PHF24: variants seen among roughly 807,000 people sequenced by gnomAD.
PHF24 encodes PHD finger protein 24.
PHF24 carries 25 observed loss-of-function variants against 42.6 expected under a neutral mutation model. That is an observed-to-expected ratio of 0.59 (90% confidence interval 0.43 to 0.82). The LOEUF is 0.82. Among genes scored for constraint, PHF24 ranks in the 40% least tolerant of loss-of-function variants. PHF24 has a pLI of 0.00. For missense variants in PHF24, 470 were observed against 538.1 expected, an observed-to-expected ratio of 0.87 and a Z score of 1.25; for synonymous variants, 185 against 204.8, an observed-to-expected ratio of 0.90 and a Z score of 0.83.
At chr9:34,836,507 T>C in the PHF24 span, among the ~76,000 whole-genome samples, 1 of 152,324 alleles carries the variant, frequency 6.6e-6, no homozygotes, top group Non-Finnish European at 1.5e-5. Context: ...ATGTGGTACT[T>C]ATGCATTCTG....
At chr9:34,771,052 G>A in the PHF24 span, among the ~76,000 whole-genome samples, 1 of 152,194 alleles carries the variant, frequency 6.6e-6, no homozygotes, top group East Asian at 1.9e-4. Flanking sequence ...GGCAGAGGTT[G>A]CAGTGAGCCG....
At chr9:34,875,259 C>T in the PHF24 span, among the ~76,000 whole-genome samples, 2 of 152,164 alleles carry the variant, frequency 1.3e-5, no homozygotes, top group African/African-American at 4.8e-5. Context: ...CAGTCAAGGA[C>T]AAAGCTTACC....
chr9:34,729,227 G>A, the PHF24 span: 1 of 1,509,070 alleles, frequency 6.6e-7, no homozygotes, highest in Non-Finnish European at 8.9e-7. Context: ...AGCACGGTAA[G>A]AACTTATAGG....
chr9:34,914,881 G>A, the PHF24 span, among the ~76,000 whole-genome samples: 5 of 151,016 alleles, frequency 3.3e-5, no homozygotes, highest in African/African-American at 7.3e-5. Flanking sequence ...GACTTCCTAA[G>A]TTCAAGGGAT....
chr9:34,731,446 C>T, the PHF24 span, among the ~76,000 whole-genome samples: 7 of 152,268 alleles, frequency 4.6e-5, no homozygotes, highest in African/African-American at 2.4e-5. Context: ...CCACACCTCA[C>T]CCCGCTACCT....
the PHF24 span, chr9:34,728,689 G>A: frequency 3.4e-4 from 526 of 1,547,712 alleles, 1 homozygote; most frequent in Middle Eastern, 5.0e-4. Context: ...GTGAAGCTGG[G>A]ACACCATTTT....
At chr9:34,920,384 C>T in the PHF24 span, among the ~76,000 whole-genome samples, 5 of 152,124 alleles carry the variant, frequency 3.3e-5, no homozygotes, top group South Asian at 1.0e-3. Context: ...TGTTTTTATG[C>T]CAGTACCATG....
At chr9:34,972,054 G>T (rs1272633326) in intron 2 of PHF24, among the ~76,000 whole-genome samples, 1 of 152,168 alleles carries the variant, frequency 6.6e-6, no homozygotes, top group African/African-American at 2.4e-5. Flanking sequence ...GAAAAGCAGG[G>T]ATGATAAATG....
At chr9:34,835,366 T>C in the PHF24 span, 1 of 1,549,942 alleles carries the variant, frequency 6.5e-7, no homozygotes, top group Non-Finnish European at 8.7e-7. Flanking sequence ...CCTCCACACG[T>C]CTTGGGAGCC....
At chr9:34,860,797 TAATG>T in the PHF24 span, among the ~76,000 whole-genome samples, 2 of 152,164 alleles carry the variant, frequency 1.3e-5, 1 homozygote, top group Admixed American at 1.3e-4. Context: ...CTTTGGATAA[TAATG>T]GGGTAACTGA....
the PHF24 span, among the ~76,000 whole-genome samples, chr9:34,667,100 G>T: frequency 6.6e-6 from 1 of 152,198 alleles, no homozygotes; most frequent in African/African-American, 2.4e-5. Context: ...TCAAGAAAGG[G>T]CAATCAACCC....
the PHF24 span, among the ~76,000 whole-genome samples, chr9:34,875,423 G>A: frequency 2.6e-5 from 4 of 152,294 alleles, no homozygotes; most frequent in Middle Eastern, 6.8e-3. Context: ...AATCATTTTA[G>A]AGAGTCACCT....
At chr9:34,976,100 G>T in intron 3 of PHF24, 52 bp from the exon 4 acceptor site, 1 of 1,278,804 alleles carries the variant, frequency 7.8e-7, no homozygotes, top group Non-Finnish European at 1.1e-6. Flanking sequence ...CTTGACCCTG[G>T]CCTTTCTTAC....
At chr9:34,694,811 A>G in the PHF24 span, among the ~76,000 whole-genome samples, 1 of 152,198 alleles carries the variant, frequency 6.6e-6, no homozygotes, top group African/African-American at 2.4e-5. Flanking sequence ...GTTTCTCACC[A>G]TTGCTAGACC....
At chr9:34,761,683 G>A in the PHF24 span, among the ~76,000 whole-genome samples, 1 of 152,010 alleles carries the variant, frequency 6.6e-6, no homozygotes, top group Non-Finnish European at 1.5e-5. Context: ...CTTTTGTGCT[G>A]TTTGATTTTT....
At chr9:34,724,267 C>T in the PHF24 span, 66 of 1,551,324 alleles carry the variant, frequency 4.3e-5, no homozygotes, top group Middle Eastern at 1.7e-4. Context: ...TCTTGGAGAC[C>T]GAGTGGGCAG....
the PHF24 span, among the ~76,000 whole-genome samples, chr9:34,671,558 T>C: frequency 6.6e-6 from 1 of 152,186 alleles, no homozygotes; most frequent in Non-Finnish European, 1.5e-5. Flanking sequence ...AAGGATATTG[T>C]TTCTGGGGTG....
At chr9:34,686,086 T>G in the PHF24 span, among the ~76,000 whole-genome samples, 6 of 152,308 alleles carry the variant, frequency 3.9e-5, no homozygotes, top group South Asian at 1.2e-3. Flanking sequence ...GTGAATTAGC[T>G]AATACTCAGA....
the PHF24 span, among the ~76,000 whole-genome samples, chr9:34,868,109 A>G: frequency 1.3e-5 from 2 of 152,150 alleles, no homozygotes; most frequent in African/African-American, 2.4e-5. Context: ...CATATGGGTT[A>G]CCTGTTCTCA....
Sources: gnomAD v4.1 joint callset for allele counts (sites outside exome capture counted in the v4.1 genomes callset) on GRCh38, gnomAD v4.1.1 for gene constraint, MANE v1.5 for transcripts, NCBI Gene and HGNC (gene_info 2026-07-23, HGNC 2026-07-21) for gene names.